CKB: variants seen among roughly 807,000 people sequenced by gnomAD.
The protein encoded by CKB is creatine kinase B-type.
In CKB, 15 loss-of-function variants were observed where a neutral mutation model predicts 36.9. The ratio of observed to expected loss-of-function variants is 0.41; its 90% CI spans 0.27 to 0.63. The LOEUF is 0.63. Among genes scored for constraint, CKB ranks in the 20% least tolerant of loss-of-function variants. The pLI, the probability that CKB is intolerant of heterozygous loss-of-function variation, is 0.34. For synonymous variants in CKB, 250 were observed against 228.2 expected, an observed-to-expected ratio of 1.10 and a Z score of -0.86; for missense variants, 413 against 534.9, an observed-to-expected ratio of 0.77 and a Z score of 2.25.
Position 103,520,520 on chromosome 14 carries a change from C to G in CKB, c.726G>C (p.Lys242Asn), listed in dbSNP as rs373038236. 8.1e-6 allele frequency: 13 copies of G among 1,611,754 alleles called. No homozygotes were observed. The South Asian group carries it at 1.3e-4, about 16-fold the overall frequency. ...TGAACACCTCCTTCATGTTGCCCCC[C>G]TTCTGCATGGAGATGACCCGCAGGT... ...EDHLRVISMQ[K>N]GGNMKEVFTR... Residue 242 changes from lysine (K) to asparagine (N), a missense_variant, in exon 6 of 8, where the codon AAG becomes AAC. Lys to Asn is a moderately conservative substitution (Grantham distance 94, BLOSUM62 0). This residue lies in a region of CKB where 314 missense variants were observed against 409.4 expected (regional missense o/e 0.77). Coordinates refer to ENST00000348956, the MANE Select transcript of CKB (RefSeq NM_001823.5).
chr14:103,521,754 G>A (rs1482200073), intron 4 of CKB, 64 bp downstream of exon 4: 99 of 1,319,796 alleles, frequency 7.5e-5, no homozygotes, highest in Non-Finnish European at 9.2e-5. Context: ...AAACAAAAGC[G>A]GGCGGGGACC....
At position 103,522,420 on chromosome 14, in the gene CKB, G is replaced by A; in HGVS notation, c.74C>T (p.Ala25Val). Residue 25 changes from alanine to valine, a missense_variant, in exon 2 of 8, where the codon GCC becomes GTC. Physicochemically the swap from Ala to Val is moderately conservative, Grantham distance 64. This residue lies in a region of CKB where 74 missense variants were observed against 70.6 expected (regional missense o/e 1.05). Coordinates refer to ENST00000348956, the MANE Select transcript of CKB (RefSeq NM_001823.5). The surrounding 1 kb of genome is among the most constrained non-coding windows in gnomAD (Gnocchi z 6.7). ...CACCTTGGCCATGTGGTTGTTGTGG[G>A]CGCTCAGGTCGGGGAACTCGTCCTC... The part of the protein sequence containing the change: ...PAEDEFPDLS[A>V]HNNHMAKVLT... 6.2e-7 allele frequency: 1 copy of A among 1,610,082 alleles called. No individual in the cohort carries two copies. Among genetic ancestry groups the A allele is most frequent in the Non-Finnish European group, 8.5e-7 (1 of 1,178,692 alleles).
At position 103,520,597 on chromosome 14, in the gene CKB, G is replaced by C. The variant is rs747636497; in HGVS notation, c.654-5C>G. 1.9e-6 allele frequency: 3 copies of C among 1,610,538 alleles called. No homozygotes were observed. The highest frequency in any genetic ancestry group is 8.5e-7 in the Non-Finnish European group (1 of 1,178,684). On this transcript the variant is annotated splice_polypyrimidine_tract_variant and splice_region_variant and intron_variant, in intron 5 of 7. Coordinates refer to ENST00000348956, the MANE Select transcript of CKB (RefSeq NM_001823.5). ...AAGGTCTTATTGTCATTGTGCCTGC[G>C]GGAGGGCTGGTCTCAGGGCATACCC...
At position 103,521,283 on chromosome 14, in the gene CKB, C is replaced by A; in HGVS notation, c.633G>T (p.Trp211Cys). 6.3e-7 allele frequency: 1 copy of A among 1,599,578 alleles called. No individual in the cohort carries two copies. The highest frequency in any genetic ancestry group is 8.5e-7 in the Non-Finnish European group (1 of 1,176,276). ...LLLASGMARD[W>C]PDARGIWHND... ...CGCACCAGATACCGCGGGCGTCGGG[C>A]CAGTCGCGGGCCATGCCCGAGGCCA... Residue 211 changes from tryptophan to cysteine, a missense_variant, in exon 5 of 8, where the codon TGG (tryptophan) becomes TGT (cysteine). Physicochemically the swap from Trp to Cys is radical, Grantham distance 215. Around this residue, in one of 3 missense-constraint regions of CKB, gnomAD observed 314 missense variants for 409.4 expected, o/e 0.77. Transcript: ENST00000348956.
chr14:103,521,771 G>T, intron 4 of CKB, 47 bp downstream of exon 4: 1 of 1,346,290 alleles, frequency 7.4e-7, no homozygotes, highest in Non-Finnish European at 9.5e-7. Flanking sequence ...GACCGCGCCG[G>T]GAGGGGGACG....
rs2075912930 is a variant in CKB, at chr14:103,522,658, C to T, written c.-13+108G>A. On this transcript the variant is annotated intron_variant, in intron 1 of 7. Transcript: ENST00000348956. The surrounding 1 kb of genome is among the most constrained non-coding windows in gnomAD (Gnocchi z 6.7). ...CAGCGCGCGCGGGGAGCGCCATCATCGCCGGGGACCCCCGGCCGGTCCGGC... is the reference window on the plus strand; with the variant it reads ...CAGCGCGCGCGGGGAGCGCCATCATTGCCGGGGACCCCCGGCCGGTCCGGC... 3 of 294,216 alleles carry T rather than the reference C, an allele frequency of 1.0e-5. No homozygotes were observed. The highest frequency in any genetic ancestry group is 1.7e-5 in the Non-Finnish European group (3 of 177,104). 18.2% of individuals were successfully genotyped at this position (294,216 alleles called of 1,614,324 possible).
intron 5 of CKB, 30 bp from the exon 6 acceptor site, chr14:103,520,622 C>T: frequency 6.3e-7 from 1 of 1,598,336 alleles, no homozygotes. Context: ...AGGGCATACC[C>T]AGAAAAAAGC....
In CKB at chr14:103,522,535, C is replaced by A. The variant is rs780475870; in HGVS notation, c.-12-30G>T. 21 of 1,322,592 alleles carry A rather than the reference C, an allele frequency of 1.6e-5. No homozygotes were observed. Among genetic ancestry groups the A allele is most frequent in the East Asian group, 1.2e-4 (3 of 24,730 alleles). The allele number at this position is 1,322,592 out of a possible 1,614,324, so 81.9% of individuals were successfully genotyped here. A position where few individuals can be genotyped will look rare whatever the true frequency, so the allele number is the denominator to read the frequency against. On this transcript the variant is annotated intron_variant, in intron 1 of 7. Coordinates refer to ENST00000348956, the MANE Select transcript of CKB (RefSeq NM_001823.5). The surrounding 1 kb of genome is among the most constrained non-coding windows in gnomAD (Gnocchi z 6.7). ...GGGGAGACGCGGGGTCAGAGGGGAC[C>A]GGCACGCCGGGGTTCCCGGGCTCCC...
At chr14:103,520,397 G>A (rs1293363636) in intron 6 of CKB, 72 bp downstream of exon 6, 2 of 1,586,378 alleles carry the variant, frequency 1.3e-6, no homozygotes, top group African/African-American at 1.3e-5. Context: ...GAAATCCCCC[G>A]GGGGGACTGA....
Position 103,519,808 on chromosome 14 carries a change from C to A in CKB, c.*56G>T. ...GAACATCAGGGGTGCATGGTGGGCA[C>A]TGCCCAGGCAATAAGTTAGGAAGCA... On this transcript the variant is annotated 3_prime_UTR_variant, in exon 8 of 8. Coordinates refer to ENST00000348956, the MANE Select transcript of CKB (RefSeq NM_001823.5). The A allele has an allele frequency of 6.5e-7, 1 of 1,544,484 alleles. No homozygotes were observed. Among genetic ancestry groups the A allele is most frequent in the Non-Finnish European group, 8.7e-7 (1 of 1,148,716 alleles).
chr14:103,520,409 G>T (rs914799971), intron 6 of CKB, 60 bp downstream of exon 6: 1 of 1,588,668 alleles, frequency 6.3e-7, no homozygotes, highest in African/African-American at 1.3e-5. Flanking sequence ...GGGGACTGAT[G>T]CTGGGGCACC....
Position 103,519,728 on chromosome 14 carries a change from C to T in CKB, c.*136G>A. The stretch of plus-strand genomic sequence containing the variant: ...GTATCTTAGCCATCAAAAAAATAAA[C>T]TCTACCAAGGGTGACGGAAGTCTCT... On this transcript the variant is annotated 3_prime_UTR_variant, in exon 8 of 8. Transcript: ENST00000348956. 2.0e-6 allele frequency: 2 copies of T among 1,010,144 alleles called. No homozygotes were observed. The highest frequency in any genetic ancestry group is 2.8e-6 in the Non-Finnish European group (2 of 707,216). The allele number at this position is 1,010,144 out of a possible 1,614,324, so 62.6% of individuals were successfully genotyped here.
rs1566962324 is a variant in CKB at position 103,520,738 on chromosome 14, G to A, written c.654-146C>T. 1.2e-5 allele frequency: 14 copies of A among 1,184,204 alleles called. No homozygotes were observed. The South Asian group carries it at 2.2e-4, about 19-fold the overall frequency. The allele number at this position is 1,184,204 out of a possible 1,614,324, so 73.4% of individuals were successfully genotyped here. On this transcript the variant is annotated intron_variant, in intron 5 of 7. Coordinates refer to ENST00000348956, the MANE Select transcript of CKB (RefSeq NM_001823.5). ...GCCAAGACTCCACCCGCCAACACGG[G>A]GCGGGCGGGGGAACCGGGACGCCTC...
intron 5 of CKB, chr14:103,520,820 A>G (rs543184846): frequency 2.4e-5 from 14 of 591,734 alleles, no homozygotes; most frequent in East Asian, 1.0e-4. Flanking sequence ...GGGCGGGGCC[A>G]GGGACCGCCA....
At chr14:103,521,628 G>A in intron 4 of CKB, 190 bp downstream of exon 4, 3 of 925,772 alleles carry the variant, frequency 3.2e-6, no homozygotes, top group Non-Finnish European at 4.4e-6. Context: ...GCCCTCCCTG[G>A]GCCCCAGGCC....
Position 103,519,747 on chromosome 14 carries a change from A to G in CKB, c.*117T>C, listed in dbSNP as rs2075885736. On this transcript the variant is annotated 3_prime_UTR_variant, in exon 8 of 8. Transcript: ENST00000348956. ...AATAAACTCTACCAAGGGTGACGGAAGTCTCTACAGCAAGGCTAAGGGCTC... is the reference window on the plus strand; with the variant it reads ...AATAAACTCTACCAAGGGTGACGGAGGTCTCTACAGCAAGGCTAAGGGCTC... The G allele has an allele frequency of 8.7e-7, 1 of 1,154,354 alleles. No homozygotes were observed. Among genetic ancestry groups the G allele is most frequent in the Non-Finnish European group, 1.2e-6 (1 of 824,434 alleles). 71.5% of individuals were successfully genotyped at this position (1,154,354 alleles called of 1,614,324 possible). A position where few individuals can be genotyped will look rare whatever the true frequency, so the allele number is the denominator to read the frequency against.
At position 103,522,546 on chromosome 14, in the gene CKB, G is replaced by A; in HGVS notation, c.-12-41C>T. ...GGGTCAGAGGGGACCGGCACGCCGG[G>A]GTTCCCGGGCTCCCGCGTACCACTC... On this transcript the variant is annotated intron_variant, in intron 1 of 7. Transcript: ENST00000348956. The surrounding 1 kb of genome is among the most constrained non-coding windows in gnomAD (Gnocchi z 6.7). 1 of 1,456,382 alleles carries A rather than the reference G, an allele frequency of 6.9e-7. No individual in the cohort carries two copies. The highest frequency in any genetic ancestry group is 9.1e-7 in the Non-Finnish European group (1 of 1,104,876). The allele number at this position is 1,456,382 out of a possible 1,614,324, so 90.2% of individuals were successfully genotyped here. A position where few individuals can be genotyped will look rare whatever the true frequency, so the allele number is the denominator to read the frequency against.
Position 103,522,076 on chromosome 14 carries a change from C to A in CKB, c.295G>T (p.Gly99Cys), listed in dbSNP as rs201438967. Residue 99 changes from glycine (G) to cysteine (C), a missense_variant, in exon 3 of 8, where the codon GGC (glycine) becomes TGC (cysteine). By Grantham distance (159) the Gly-to-Cys change is radical. Coordinates refer to ENST00000348956, the MANE Select transcript of CKB (RefSeq NM_001823.5). This position sits in a 1 kb window ranked among gnomAD's most constrained non-coding sequence, Gnocchi z 6.7. ...TTGTGCTCATCGCTGGGCTTGTAGC[C>A]GCCGTGCCGGTCCTCGATGATGGGG... ...FDPIIEDRHG[G>C]YKPSDEHKTD... 5 of 1,563,082 alleles carry A rather than the reference C, an allele frequency of 3.2e-6. No individual in the cohort carries two copies. In the East Asian group the frequency reaches 1.2e-4, roughly 37 times the overall value.
rs1389577578 is a variant in CKB at position 103,522,500 on chromosome 14, G to C, written c.-7C>G. The C allele has an allele frequency of 6.3e-7, 1 of 1,593,778 alleles. No homozygotes were observed. The highest frequency in any genetic ancestry group is 1.4e-5 in the African/African-American group (1 of 72,604). The stretch of plus-strand genomic sequence containing the variant: ...GGCTGTTGGAGAAGGGCATGGCGGC[G>C]GCGGGCTGCGGGGAGACGCGGGGTC... On this transcript the variant is annotated 5_prime_UTR_variant, in exon 2 of 8. Transcript: ENST00000348956. This position sits in a 1 kb window ranked among gnomAD's most constrained non-coding sequence, Gnocchi z 6.7.
Sources: allele counts gnomAD v4.1 joint callset, GRCh38; gene constraint gnomAD v4.1.1; regional missense constraint gnomAD v4.1.1; non-coding constraint Gnocchi (gnomAD v3.1); transcripts MANE v1.5; gene names NCBI Gene and HGNC (gene_info 2026-07-23, HGNC 2026-07-21).